The following ZNF512B variants were observed in gnomAD, a reference collection of about 807,000 sequenced individuals.
The protein encoded by ZNF512B is zinc finger protein 512B.
A neutral mutation model predicts 87.8 loss-of-function variants in ZNF512B; 22 were observed. The ratio of observed to expected loss-of-function variants is 0.25; its 90% CI spans 0.18 to 0.36. The LOEUF (loss-of-function observed/expected upper bound fraction) is 0.36. ZNF512B is among the 10% of genes least tolerant of loss of function. The pLI, the probability that ZNF512B is intolerant of heterozygous loss-of-function variation, is 1.00. For synonymous variants in ZNF512B, 524 were observed against 490.9 expected (o/e 1.07, Z -0.89); for missense variants, 1,060 against 1,231.6 (o/e 0.86, Z 2.09).
chr20:63,967,620 A>G, intron 2 of ZNF512B, 97 bp from the exon 3 acceptor site: 1 of 1,498,878 alleles, frequency 6.7e-7, no homozygotes, highest in Non-Finnish European at 8.9e-7. Flanking sequence ...TCCCAACACG[A>G]GGGCACCGGG....
At chr20:63,969,263 G>A (rs1224862212) in intron 1 of ZNF512B, 1 of 884,584 alleles carries the variant, frequency 1.1e-6, no homozygotes, top group Non-Finnish European at 1.4e-6. Context: ...ATTCAGAATA[G>A]TGGGGCCTGA....
intron 4 of ZNF512B, 40 bp from the exon 5 acceptor site, chr20:63,966,821 G>A (rs1234960381): frequency 2.5e-6 from 4 of 1,608,500 alleles, no homozygotes; most frequent in Non-Finnish European, 3.4e-6. Flanking sequence ...GGCCCCAAGG[G>A]CCTCTGCCCA....
rs963730750 is a variant in ZNF512B, at chr20:63,958,662, C to G, written c.*1226G>C. The stretch of plus-strand genomic sequence containing the variant: ...CCACCTCTTCCAGGCACCCTGGACT[C>G]CCTGCCTGACCCCTGCCCTACCTAT... On this transcript the variant is annotated 3_prime_UTR_variant, in exon 17 of 17. Coordinates refer to ENST00000369888, the MANE Select transcript of ZNF512B (RefSeq NM_020713.3). The G allele has an allele frequency of 4.6e-5, 7 of 152,220 alleles. No homozygotes were observed. Among genetic ancestry groups the G allele is most frequent in the African/African-American group, 1.7e-4 (7 of 41,424 alleles). The allele number at this position is 152,220 out of a possible 1,614,324, so 9.4% of individuals were successfully genotyped here.
chr20:63,964,779 C>G, intron 5 of ZNF512B, 63 bp from the exon 6 acceptor site: 1 of 1,582,900 alleles, frequency 6.3e-7, no homozygotes, highest in South Asian at 1.1e-5. Flanking sequence ...TACCCCCAGG[C>G]CGTGGCCGAG....
At position 63,962,485 on chromosome 20, in the gene ZNF512B, G is replaced by A. The variant is rs988001845; in HGVS notation, c.2163+102C>T. The A allele has an allele frequency of 4.7e-5, 72 of 1,547,390 alleles. 1 individual carries two copies. Among genetic ancestry groups the A allele is most frequent in the Admixed American group, 3.1e-4 (16 of 52,310 alleles). On this transcript the variant is annotated intron_variant, in intron 13 of 16. Transcript: ENST00000369888. ...ACTCGCCGCAGATGGCGGGGGCAGC[G>A]GGTGGCCCAGGTCACAGCAGTGGCT... is the stretch of plus-strand genomic sequence containing the variant.
rs201917007 is a variant in ZNF512B at position 63,964,582 on chromosome 20, G to A, written c.1169C>T (p.Ser390Leu). Residue 390 changes from serine (S) to leucine (L), a missense_variant, in exon 6 of 17, where the codon TCG becomes TTG. Physicochemically the swap from Ser to Leu is moderately radical, Grantham distance 145. Around this residue, in one of 9 missense-constraint regions of ZNF512B, gnomAD observed 212 missense variants for 207.6 expected, o/e 1.02. Coordinates refer to ENST00000369888, the MANE Select transcript of ZNF512B (RefSeq NM_020713.3). ...LSADTSSGSL[S>L]PGSRPSGGME... ...GCCCCCTGACGGCCTGCTGCCTGGC[G>A]ACAAGGAGCCACTGCTGGTGTCTGC... 1.7e-5 allele frequency: 28 copies of A among 1,613,044 alleles called. No individual in the cohort carries two copies. The highest frequency in any genetic ancestry group is 3.3e-5 in the Admixed American group (2 of 60,002).
intron 1 of ZNF512B, among the ~76,000 whole-genome samples, chr20:63,968,765 C>T (rs1047321263): frequency 3.9e-5 from 6 of 152,246 alleles, no homozygotes; most frequent in Non-Finnish European, 7.3e-5. Flanking sequence ...CCAAACAAGT[C>T]GTGGAAGCAC....
chr20:63,963,602 G>T lies in ZNF512B; in HGVS notation c.1698+16C>A. On this transcript the variant is annotated intron_variant, in intron 10 of 16. Transcript: ENST00000369888. ...TCAGAGGTCACGCTGGACGGGAGCT[G>T]GGGGCCCGACGGTACCTTGGCACTG... 6.2e-7 allele frequency: 1 copy of T among 1,612,658 alleles called. No homozygotes were observed. Among genetic ancestry groups the T allele is most frequent in the Non-Finnish European group, 8.5e-7 (1 of 1,179,590 alleles).
intron 8 of ZNF512B, 21 bp downstream of exon 8, chr20:63,964,050 C>A (rs1418749175): frequency 4.4e-6 from 7 of 1,602,304 alleles, no homozygotes; most frequent in Non-Finnish European, 5.9e-6. Context: ...CTGCCCTGAG[C>A]CCCTGCCAGG....
chr20:63,961,229 C>A lies in ZNF512B; in HGVS notation c.2427+80G>T. The A allele has an allele frequency of 2.2e-6, 3 of 1,367,904 alleles. No homozygotes were observed. Among genetic ancestry groups the A allele is most frequent in the Non-Finnish European group, 3.1e-6 (3 of 972,462 alleles). 84.7% of individuals were successfully genotyped at this position (1,367,904 alleles called of 1,614,324 possible). A position where few individuals can be genotyped will look rare whatever the true frequency, so the allele number is the denominator to read the frequency against. On this transcript the variant is annotated intron_variant, in intron 16 of 16. Coordinates refer to ENST00000369888, the MANE Select transcript of ZNF512B (RefSeq NM_020713.3). The surrounding 1 kb of genome is among the most constrained non-coding windows in gnomAD (Gnocchi z 6.4). The stretch of plus-strand genomic sequence containing the variant: ...CCCATGCAGGCCACTGACCTCTCTA[C>A]CCCCAAGGGGTGCCCAACCCCAGCC...
chr20:63,967,390 T>A lies in ZNF512B; in HGVS notation c.255A>T (p.Arg85=). The A allele has an allele frequency of 6.2e-7, 1 of 1,608,282 alleles. No homozygotes were observed. Among genetic ancestry groups the A allele is most frequent in the Non-Finnish European group, 8.5e-7 (1 of 1,176,520 alleles). ...CCCTGAGGGAGCTCACAGGAATGTC[T>A]CGGAGGGCCTGGTTCTCGGCTTTTG... is the stretch of plus-strand genomic sequence containing the variant. ...GRPKAENQAL[R]DIPLSLMNDW... The change falls in exon 3 of 17, where the codon CGA becomes CGT. Residue 85 remains arginine, a synonymous_variant. Transcript: ENST00000369888.
At chr20:63,964,017 T>A in intron 8 of ZNF512B, 54 bp downstream of exon 8, 4 of 1,594,002 alleles carry the variant, frequency 2.5e-6, no homozygotes, top group Non-Finnish European at 3.4e-6. Context: ...CCCTGTGCTG[T>A]GGGATCTACC....
Position 63,963,648 on chromosome 20 carries a change from G to A in ZNF512B, c.1668C>T (p.Asn556=), listed in dbSNP as rs753496587. ...RKQFKSKAGL[N]YHTMAEHSAK... ...CACTGTGCTCGGCCATAGTGTGGTA[G>A]TTGAGGCCGGCTTTGGACTTGAACT... The change falls in exon 10 of 17, where the codon AAC becomes AAT. Residue 556 remains asparagine, a synonymous_variant. Coordinates refer to ENST00000369888, the MANE Select transcript of ZNF512B (RefSeq NM_020713.3). 9.3e-6 allele frequency: 15 copies of A among 1,613,706 alleles called. No individual in the cohort carries two copies. The highest frequency in any genetic ancestry group is 1.0e-5 in the Non-Finnish European group (12 of 1,180,030).
rs940777506 is a variant in ZNF512B, at chr20:63,963,847, T to C, written c.1547A>G (p.Asn516Ser). 1.9e-6 allele frequency: 3 copies of C among 1,612,826 alleles called. No individual in the cohort carries two copies. Among genetic ancestry groups the C allele is most frequent in the Admixed American group, 3.3e-5 (2 of 60,026 alleles). The change falls in exon 9 of 17, where the codon AAC (asparagine) becomes AGC (serine). Residue 516 changes from asparagine (N) to serine (S), a missense_variant. By Grantham distance (46) the Asn-to-Ser change is conservative. Coordinates refer to ENST00000369888, the MANE Select transcript of ZNF512B (RefSeq NM_020713.3). ...CACGAGAGTCTTCCGGGTGACCACG[T>C]TGCAGGTGGGGCAGACGGCTTCCCC... ...ERGEAVCPTC[N>S]VVTRKTLVGL...
Position 63,962,575 on chromosome 20 carries a change from G to C in ZNF512B, c.2163+12C>G, listed in dbSNP as rs956060577. 2.5e-6 allele frequency: 4 copies of C among 1,601,214 alleles called. No individual in the cohort carries two copies. The highest frequency in any genetic ancestry group is 3.4e-5 in the Admixed American group (2 of 59,268). On this transcript the variant is annotated intron_variant, in intron 13 of 16. Transcript: ENST00000369888. ...CACGGCGCTGTCCACAGCCCTGGGGGGGGCAGCTCACCCGTGCGGTCTCGG... is the reference window on the plus strand; with the variant it reads ...CACGGCGCTGTCCACAGCCCTGGGGCGGGCAGCTCACCCGTGCGGTCTCGG...
chr20:63,961,775 C>T lies in ZNF512B; in HGVS notation c.2328+167G>A, dbSNP rs2058854337. ...GTTGGGGCGAGGGAGGTGTCCTAGG[C>T]TGGCCATCAGCCACCGGCCAGTCTC... On this transcript the variant is annotated intron_variant, in intron 15 of 16. Coordinates refer to ENST00000369888, the MANE Select transcript of ZNF512B (RefSeq NM_020713.3). The surrounding 1 kb of genome is among the most constrained non-coding windows in gnomAD (Gnocchi z 6.4). 6.6e-6 allele frequency among the ~76,000 whole-genome samples: 1 copy of T among 152,122 alleles called. No individual in the cohort carries two copies. Among genetic ancestry groups the T allele is most frequent in the African/African-American group, 2.4e-5 (1 of 41,436 alleles).
chr20:63,967,733 T>G, intron 2 of ZNF512B, 97 bp downstream of exon 2: 1 of 1,543,568 alleles, frequency 6.5e-7, no homozygotes, highest in South Asian at 1.2e-5. Context: ...GGGGCCTAGC[T>G]GGGTACCTGG....
chr20:63,962,442 G>C (rs1026512145), intron 13 of ZNF512B, 68 bp from the exon 14 acceptor site: 13 of 1,558,172 alleles, frequency 8.3e-6, no homozygotes, highest in Non-Finnish European at 1.0e-5. Context: ...AAGAACACTC[G>C]CCTCGGCAGC....
rs373514391 is a variant in ZNF512B, at chr20:63,960,782, A to G, written c.2427+527T>C. Among the ~76,000 whole-genome samples the G allele has an allele frequency of 9.0e-4, 112 of 124,466 alleles. 1 individual carries two copies. Among genetic ancestry groups the G allele is most frequent in the Middle Eastern group, 5.1e-3 (1 of 198 alleles). The allele number at this position is 124,466 out of a possible 152,430, so 81.7% of individuals were successfully genotyped here. Reference sequence around the variant, plus strand: ...TGCAGCAGGGCTGGACACAGCCTTCAGGACCAGGCAAGCACCTGCAGCAGG... The same window carrying G: ...TGCAGCAGGGCTGGACACAGCCTTCGGGACCAGGCAAGCACCTGCAGCAGG... On this transcript the variant is annotated intron_variant, in intron 16 of 16. Coordinates refer to ENST00000369888, the MANE Select transcript of ZNF512B (RefSeq NM_020713.3).
Sources: allele counts gnomAD v4.1 joint callset (sites outside exome capture counted in the v4.1 genomes callset), GRCh38; gene constraint gnomAD v4.1.1; regional missense constraint gnomAD v4.1.1; non-coding constraint Gnocchi (gnomAD v3.1); transcripts MANE v1.5; gene names NCBI Gene and HGNC (gene_info 2026-07-23, HGNC 2026-07-21).